Variants in ADAM9 observed in about 807,000 individuals in gnomAD.
ADAM9 encodes the protein disintegrin and metalloproteinase domain-containing protein 9.
A neutral mutation model predicts 108.1 loss-of-function variants in ADAM9; 54 were observed. The ratio of observed to expected loss-of-function variants is 0.50; its 90% CI spans 0.40 to 0.63. The LOEUF (loss-of-function observed/expected upper bound fraction) is 0.63, where lower values mean the gene tolerates loss of function less well. Among genes scored for constraint, ADAM9 ranks in the 20% least tolerant of loss-of-function variants. The pLI is 0.00. For synonymous variants in ADAM9, 316 were observed against 336.0 expected (o/e 0.94, Z 0.65); for missense variants, 830 against 997.7 (o/e 0.83, Z 2.26).
intron 4 of ADAM9, 193 bp from the exon 5 acceptor site, chr8:39,015,925 A>T (rs961886768): frequency 3.4e-5 from 20 of 591,408 alleles, no homozygotes; most frequent in Non-Finnish European, 5.7e-5. Flanking sequence ...TTGTGTACTC[A>T]TAGGGTGGTA....
rs1308264743 is a variant in ADAM9 at position 39,090,177 on chromosome 8, A to G, written c.2199A>G (p.Ser733=). ...GAAGCTACTTCAGAAAGAAGAGATC[A>G]CAAACATATGAGTACTTAGATTTTT... is the stretch of plus-strand genomic sequence containing the variant. ...LWRSYFRKKR[S]QTYESDGKNQ... The change falls in exon 19 of 22, where the codon TCA becomes TCG. Residue 733 remains serine, a synonymous_variant. Coordinates refer to ENST00000487273, the MANE Select transcript of ADAM9 (RefSeq NM_003816.3). 1.9e-6 allele frequency: 3 copies of G among 1,613,494 alleles called. No homozygotes were observed. In the African/African-American group the frequency reaches 4.0e-5, roughly 22 times the overall value.
At chr8:39,045,114 A>ATGTATGTG (rs1491178377) in intron 12 of ADAM9, among the ~76,000 whole-genome samples, 3 of 14,236 alleles carry the variant, frequency 2.1e-4, no homozygotes, top group African/African-American at 1.3e-3. Flanking sequence ...GCATACATAC[A>ATGTATGTG]TATGTGTGTG....
chr8:39,034,880 G>A (rs375271703), intron 11 of ADAM9, among the ~76,000 whole-genome samples: 2 of 151,900 alleles, frequency 1.3e-5, no homozygotes, highest in South Asian at 2.1e-4. Flanking sequence ...GCATACATAC[G>A]TATGTTATGT....
At chr8:39,056,698 A>G (rs1363390100) in intron 14 of ADAM9, among the ~76,000 whole-genome samples, 2 of 151,940 alleles carry the variant, frequency 1.3e-5, no homozygotes, top group Non-Finnish European at 2.9e-5. Context: ...GGTTTGGTTA[A>G]TTTCCTATGT....
chr8:39,023,268 A>G lies in ADAM9; in HGVS notation c.857A>G (p.Gln286Arg). 1.2e-6 allele frequency: 2 copies of G among 1,613,630 alleles called. No individual in the cohort carries two copies. Among genetic ancestry groups the G allele is most frequent in the Non-Finnish European group, 1.7e-6 (2 of 1,179,770 alleles). The stretch of plus-strand genomic sequence containing the variant: ...GGTGATGTGCTGGGGAACTTCGTGC[A>G]GTGGCGGGAAAAGTTTCTTATCACA... Reference protein sequence around the residue: ...GAGDVLGNFVQWREKFLITRR... With the variant: ...GAGDVLGNFVRWREKFLITRR... Residue 286 changes from glutamine (Q) to arginine (R), a missense_variant, in exon 9 of 22, where the codon CAG (glutamine) becomes CGG (arginine). Gln to Arg is a conservative substitution (Grantham distance 43). This residue lies in a region of ADAM9 where 381 missense variants were observed against 539.8 expected (regional missense o/e 0.71). Coordinates refer to ENST00000487273, the MANE Select transcript of ADAM9 (RefSeq NM_003816.3).
chr8:39,051,844 ACT>A (rs1837967516), intron 12 of ADAM9, among the ~76,000 whole-genome samples: 1 of 151,880 alleles, frequency 6.6e-6, no homozygotes, highest in Admixed American at 6.6e-5. Flanking sequence ...ATTTAACCAT[ACT>A]CTCATTAATT....
intron 12 of ADAM9, among the ~76,000 whole-genome samples, chr8:39,045,014 G>A (rs1353027860): frequency 2.9e-5 from 3 of 102,572 alleles, no homozygotes; most frequent in African/African-American, 4.0e-5. Context: ...ACCTATGTAT[G>A]TGTATGTGTG....
At chr8:39,039,128 A>G (rs1837375742) in intron 11 of ADAM9, among the ~76,000 whole-genome samples, 1 of 152,168 alleles carries the variant, frequency 6.6e-6, no homozygotes, top group South Asian at 2.1e-4. Context: ...AGTTCCTTGG[A>G]TATACAAAAG....
chr8:39,028,461 G>A (rs2129434654), intron 11 of ADAM9, among the ~76,000 whole-genome samples: 1 of 152,306 alleles, frequency 6.6e-6, no homozygotes, highest in African/African-American at 2.4e-5. Flanking sequence ...GGCCAGCAGT[G>A]AAGTTGAGAA....
chr8:39,007,848 A>C (rs756426554), intron 1 of ADAM9, 38 bp from the exon 2 acceptor site: 1 of 1,423,840 alleles, frequency 7.0e-7, no homozygotes, highest in Admixed American at 1.7e-5. Context: ...GTAGTTTTTC[A>C]GTTTCACTTA....
At chr8:39,014,142 C>G in intron 4 of ADAM9, 99 bp downstream of exon 4, 1 of 944,762 alleles carries the variant, frequency 1.1e-6, no homozygotes, top group Non-Finnish European at 1.7e-6. Flanking sequence ...ATTGCACAGC[C>G]CCACAGGGTA....
intron 11 of ADAM9, among the ~76,000 whole-genome samples, chr8:39,037,455 TGTG>T (rs1428940236): frequency 2.3e-5 from 3 of 128,734 alleles, no homozygotes; most frequent in African/African-American, 5.9e-5. Context: ...TGTGTGTGTG[TGTG>T]TTTTTTTTTT....
At chr8:39,070,464 CAT>C (rs1391279199) in intron 14 of ADAM9, among the ~76,000 whole-genome samples, 5 of 152,168 alleles carry the variant, frequency 3.3e-5, no homozygotes, top group African/African-American at 9.7e-5. Flanking sequence ...TTCATTCCTT[CAT>C]ATGTTTCCAA....
At chr8:39,028,848 T>G (rs1837008812) in intron 11 of ADAM9, among the ~76,000 whole-genome samples, 1 of 152,122 alleles carries the variant, frequency 6.6e-6, no homozygotes, top group South Asian at 2.1e-4. Context: ...TGTGGAGGAT[T>G]GGGAGGACGG....
chr8:39,012,523 A>G (rs1392929641), intron 3 of ADAM9, among the ~76,000 whole-genome samples: 1 of 152,200 alleles, frequency 6.6e-6, no homozygotes, highest in Non-Finnish European at 1.5e-5. Context: ...ACTATTCACA[A>G]TAGCAAAGAC....
At chr8:39,034,214 T>A (rs1353939640) in intron 11 of ADAM9, among the ~76,000 whole-genome samples, 2 of 152,208 alleles carry the variant, frequency 1.3e-5, no homozygotes, top group Non-Finnish European at 2.9e-5. Context: ...TTTTAGTAGA[T>A]ACTGTTTTTC....
Position 39,046,105 on chromosome 8 carries a change from T to C in ADAM9, c.1302+3988T>C, listed in dbSNP as rs183894375. Among the ~76,000 whole-genome samples, 4 of 152,326 alleles carry C rather than the reference T, an allele frequency of 2.6e-5. No homozygotes were observed. The East Asian group carries it at 7.7e-4, about 29-fold the overall frequency. ...TTTTAATTATTCCAATCCATGAACATAGGATGTCTTTCCATTTATTTGTAT... is the reference window on the plus strand; with the variant it reads ...TTTTAATTATTCCAATCCATGAACACAGGATGTCTTTCCATTTATTTGTAT... On this transcript the variant is annotated intron_variant, in intron 12 of 21. Coordinates refer to ENST00000487273, the MANE Select transcript of ADAM9 (RefSeq NM_003816.3).
At position 39,015,885 on chromosome 8, in the gene ADAM9, C is replaced by G; in HGVS notation, c.334-233C>G. ...GTCACTGAGGCAGAGCTGTTTGTAC[C>G]TTGTATCCCCTGGAATTTTGCCTAA... On this transcript the variant is annotated intron_variant, in intron 4 of 21. Coordinates refer to ENST00000487273, the MANE Select transcript of ADAM9 (RefSeq NM_003816.3). The G allele has an allele frequency of 2.3e-5, 12 of 513,240 alleles. No individual in the cohort carries two copies. The South Asian group carries it at 2.7e-4, about 12-fold the overall frequency. The allele number at this position is 513,240 out of a possible 1,614,324, so 31.8% of individuals were successfully genotyped here. A position where few individuals can be genotyped will look rare whatever the true frequency, so the allele number is the denominator to read the frequency against.
In ADAM9 at chr8:39,092,725, G is replaced by A. The variant is rs148688622; in HGVS notation, c.2298+1379G>A. Among the ~76,000 whole-genome samples, 888 of 151,586 alleles carry A rather than the reference G, an allele frequency of 5.9e-3. 15 individuals are homozygous for A. The highest frequency in any genetic ancestry group is 0.02 in the African/African-American group (838 of 41,392). On this transcript the variant is annotated intron_variant, in intron 20 of 21. Coordinates refer to ENST00000487273, the MANE Select transcript of ADAM9 (RefSeq NM_003816.3). Reference sequence around the variant, plus strand: ...GAATATTTACCTATGTTTTCTTTTAGTAGTTTTATAGTTTCAGGTCTTATG... The same window carrying A: ...GAATATTTACCTATGTTTTCTTTTAATAGTTTTATAGTTTCAGGTCTTATG...
Sources: gnomAD v4.1 joint callset for allele counts (sites outside exome capture counted in the v4.1 genomes callset) on GRCh38, gnomAD v4.1.1 for gene constraint, gnomAD v4.1.1 regional missense constraint, MANE v1.5 for transcripts, NCBI Gene and HGNC (gene_info 2026-07-23, HGNC 2026-07-21) for gene names.